The following GIPC1 variants were observed in gnomAD, a reference collection of about 807,000 sequenced individuals.
The protein encoded by GIPC1 is PDZ domain-containing protein GIPC1.
In GIPC1, 15 loss-of-function variants were observed where a neutral mutation model predicts 28.5. That is an observed-to-expected ratio of 0.53 (90% CI 0.35 to 0.81). The LOEUF is 0.81. GIPC1 is among the 30% of genes least tolerant of loss of function. The pLI, the probability that GIPC1 is intolerant of heterozygous loss-of-function variation, is 0.01. For synonymous variants in GIPC1, 224 were observed against 206.1 expected, an observed-to-expected ratio of 1.09 and a Z score of -0.74; for missense variants, 439 against 481.9, an observed-to-expected ratio of 0.91 and a Z score of 0.83.
intron 4 of GIPC1, 76 bp from the exon 5 acceptor site, chr19:14,480,854 G>A (rs986354832): frequency 1.3e-5 from 13 of 1,037,276 alleles, no homozygotes; most frequent in East Asian, 7.2e-5. Context: ...GGCGAAGGGA[G>A]AGAGCTGGGA....
intron 5 of GIPC1, 38 bp from the exon 6 acceptor site, chr19:14,480,523 C>G: frequency 3.7e-6 from 6 of 1,604,640 alleles, no homozygotes; most frequent in Non-Finnish European, 4.3e-6. Flanking sequence ...TGGGGCTCTG[C>G]CCTGGTTTCC....
At chr19:14,480,075 T>G in intron 6 of GIPC1, 1 of 593,602 alleles carries the variant, frequency 1.7e-6, no homozygotes, top group South Asian at 2.0e-5. Flanking sequence ...TAATGGCCCC[T>G]GGAAGCTAGG....
At position 14,478,208 on chromosome 19, in the gene GIPC1, G is replaced by A. The variant is rs899132142; in HGVS notation, c.*208C>T. The A allele has an allele frequency of 3.6e-6, 2 of 563,354 alleles. No individual in the cohort carries two copies. Among genetic ancestry groups the A allele is most frequent in the Non-Finnish European group, 6.2e-6 (2 of 321,134 alleles). 34.9% of individuals were successfully genotyped at this position (563,354 alleles called of 1,614,324 possible). A position where few individuals can be genotyped will look rare whatever the true frequency, so the allele number is the denominator to read the frequency against. On this transcript the variant is annotated 3_prime_UTR_variant, in exon 9 of 9. Transcript: ENST00000393033. This position sits in a 1 kb window ranked among gnomAD's most constrained non-coding sequence, Gnocchi z 5.2. ...GTAGGTGGGGAACAGGGCACAGGGG[G>A]GCCGGGGACCCCGGCCAGACTGGGA...
At position 14,479,502 on chromosome 19, in the gene GIPC1, C is replaced by T. The variant is rs751324321; in HGVS notation, c.678G>A (p.Ala226=). The part of the protein sequence containing the change: ...KAFDMISQRS[A]GGRPGSGPQL... Reference sequence around the variant, plus strand: ...GTGGGCCAGAGCCAGGGCGGCCACCCGCTGAACGCTGGCTGATCATGTCTG... The same window carrying T: ...GTGGGCCAGAGCCAGGGCGGCCACCTGCTGAACGCTGGCTGATCATGTCTG... The change falls in exon 7 of 9, where the codon GCG becomes GCA. Residue 226 remains alanine (A), a synonymous_variant. Coordinates refer to ENST00000393033, the MANE Select transcript of GIPC1 (RefSeq NM_005716.4). 24 of 1,440,568 alleles carry T rather than the reference C, an allele frequency of 1.7e-5. No homozygotes were observed. In the Admixed American group the frequency reaches 1.7e-4, roughly 10 times the overall value. 89.2% of individuals were successfully genotyped at this position (1,440,568 alleles called of 1,614,324 possible). A position where few individuals can be genotyped will look rare whatever the true frequency, so the allele number is the denominator to read the frequency against.
Position 14,482,676 on chromosome 19 carries a change from C to G in GIPC1, c.288+13G>C, listed in dbSNP as rs1377579252. On this transcript the variant is annotated intron_variant, in intron 4 of 8. Coordinates refer to ENST00000393033, the MANE Select transcript of GIPC1 (RefSeq NM_005716.4). Reference sequence around the variant, plus strand: ...CCATCAGGGACCCTGGTGCCCGGCTCCCCAGTGGATACCTCGGCAGTTGGC... The same window carrying G: ...CCATCAGGGACCCTGGTGCCCGGCTGCCCAGTGGATACCTCGGCAGTTGGC... 1 of 1,610,768 alleles carries G rather than the reference C, an allele frequency of 6.2e-7. No individual in the cohort carries two copies.
chr19:14,479,323 G>A, intron 7 of GIPC1, 89 bp downstream of exon 7: 1 of 548,844 alleles, frequency 1.8e-6, no homozygotes, highest in Non-Finnish European at 2.9e-6. Context: ...CTGCACTCCA[G>A]CCTGGGTGAC....
At chr19:14,489,891 GAA>G (rs200796134) in intron 3 of GIPC1, among the ~76,000 whole-genome samples, 8 of 125,568 alleles carry the variant, frequency 6.4e-5, no homozygotes, top group African/African-American at 1.2e-4. Flanking sequence ...ATGGCAAGGA[GAA>G]AAAAAAAAAA....
At position 14,478,124 on chromosome 19, in the gene GIPC1, G is replaced by T. The variant is rs2071638290; in HGVS notation, c.*292C>A. 1 of 381,312 alleles carries T rather than the reference G, an allele frequency of 2.6e-6. No individual in the cohort carries two copies. Among genetic ancestry groups the T allele is most frequent in the Non-Finnish European group, 4.8e-6 (1 of 208,376 alleles). 23.6% of individuals were successfully genotyped at this position (381,312 alleles called of 1,614,324 possible). A position where few individuals can be genotyped will look rare whatever the true frequency, so the allele number is the denominator to read the frequency against. ...CAGCTGATGGTGGAAAGTGGTGGAG[G>T]CGGGGGTGGCCGCCCAATTTGGCTG... On this transcript the variant is annotated 3_prime_UTR_variant, in exon 9 of 9. Coordinates refer to ENST00000393033, the MANE Select transcript of GIPC1 (RefSeq NM_005716.4). The surrounding 1 kb of genome is among the most constrained non-coding windows in gnomAD (Gnocchi z 5.2).
intron 3 of GIPC1, among the ~76,000 whole-genome samples, chr19:14,490,736 G>A (rs2071952281): frequency 6.6e-6 from 1 of 152,034 alleles, no homozygotes; most frequent in Non-Finnish European, 1.5e-5. Flanking sequence ...CACTTTGGGA[G>A]TCCAAGGCGG....
chr19:14,485,635 GAC>G (rs2071816423), intron 3 of GIPC1, among the ~76,000 whole-genome samples: 1 of 148,950 alleles, frequency 6.7e-6, no homozygotes, highest in African/African-American at 2.5e-5. Context: ...CAGCCTGGGT[GAC>G]AGAGATAGAC....
intron 2 of GIPC1, 128 bp downstream of exon 2, chr19:14,492,729 C>T (rs570191030): frequency 6.6e-6 from 1 of 152,358 alleles, no homozygotes; most frequent in East Asian, 1.9e-4. Flanking sequence ...TGGTTCATGC[C>T]AGCTTCCGTG....
chr19:14,492,975 C>T (rs1178383244), intron 1 of GIPC1, 63 bp from the exon 2 acceptor site: 4 of 151,946 alleles, frequency 2.6e-5, no homozygotes, highest in Non-Finnish European at 5.9e-5. Flanking sequence ...AGAGATTACC[C>T]ACGTATCCCA....
chr19:14,488,480 G>T (rs570991298), intron 3 of GIPC1, among the ~76,000 whole-genome samples: 5 of 149,962 alleles, frequency 3.3e-5, no homozygotes, highest in Admixed American at 6.7e-5. Context: ...CTAGCCAGGC[G>T]CGGTGGCTCA....
In GIPC1 at chr19:14,478,713, C is replaced by T. The variant is rs769999988; in HGVS notation, c.821G>A (p.Ser274Asn). The T allele has an allele frequency of 8.7e-6, 14 of 1,613,806 alleles. No homozygotes were observed. Among genetic ancestry groups the T allele is most frequent in the Non-Finnish European group, 1.2e-5 (14 of 1,179,928 alleles). ...AIEKVDDLLE[S>N]YMGIRDTELA... The stretch of plus-strand genomic sequence containing the variant: ...CTCCGTGTCCCTGATACCCATGTAA[C>T]TCTCCAGCAGGTCATCCACCTTCTC... Residue 274 changes from serine to asparagine, a missense_variant, in exon 8 of 9, where the codon AGT (serine) becomes AAT (asparagine). Ser to Asn is a conservative substitution (Grantham distance 46, BLOSUM62 1). Coordinates refer to ENST00000393033, the MANE Select transcript of GIPC1 (RefSeq NM_005716.4). This position sits in a 1 kb window ranked among gnomAD's most constrained non-coding sequence, Gnocchi z 5.2.
At chr19:14,482,554 G>A (rs1170456619) in intron 4 of GIPC1, 135 bp downstream of exon 4, 2 of 847,804 alleles carry the variant, frequency 2.4e-6, no homozygotes, top group Non-Finnish European at 3.8e-6. Context: ...CCAGGCCATT[G>A]GCCCCCACCA....
At chr19:14,493,000 C>G (rs2072003008) in intron 1 of GIPC1, 88 bp from the exon 2 acceptor site, 1 of 152,336 alleles carries the variant, frequency 6.6e-6, no homozygotes, top group Non-Finnish European at 1.5e-5. Flanking sequence ...CACTCTGCCT[C>G]AGACTCCATT....
At chr19:14,485,738 G>GAGAGAGAGAC (rs1555721833) in intron 3 of GIPC1, among the ~76,000 whole-genome samples, 2 of 141,666 alleles carry the variant, frequency 1.4e-5, no homozygotes, top group South Asian at 2.3e-4. Context: ...GAGAGAGAGA[G>GAGAGAGAGAC]AGACAGAGAG....
At position 14,479,598 on chromosome 19, in the gene GIPC1, C is replaced by T. The variant is rs1352324630; in HGVS notation, c.656-74G>A. The T allele has an allele frequency of 4.0e-6, 3 of 750,660 alleles. No homozygotes were observed. The Admixed American group carries it at 1.2e-4, about 31-fold the overall frequency. The allele number at this position is 750,660 out of a possible 1,614,324, so 46.5% of individuals were successfully genotyped here. A position where few individuals can be genotyped will look rare whatever the true frequency, so the allele number is the denominator to read the frequency against. The stretch of plus-strand genomic sequence containing the variant: ...ACGTTCTGGGCAGGAACTTGTCCTT[C>T]CTGGCTTTCACCACCACCCCAAACT... On this transcript the variant is annotated intron_variant, in intron 6 of 8. Transcript: ENST00000393033.
chr19:14,482,652 C>T, intron 4 of GIPC1, 37 bp downstream of exon 4: 1 of 1,599,874 alleles, frequency 6.3e-7, no homozygotes, highest in South Asian at 1.1e-5. Context: ...TCTGGTCCAC[C>T]ATCAGGGACC....
Sources: gnomAD v4.1 joint callset for allele counts (sites outside exome capture counted in the v4.1 genomes callset) on GRCh38, gnomAD v4.1.1 for gene constraint, Gnocchi (gnomAD v3.1) non-coding constraint, MANE v1.5 for transcripts, NCBI Gene and HGNC (gene_info 2026-07-23, HGNC 2026-07-21) for gene names.